Variants in ALK observed in about 807,000 individuals in gnomAD.
ALK encodes the protein ALK tyrosine kinase receptor.
A neutral mutation model predicts 163.1 loss-of-function variants in ALK; 74 were observed. That is an observed-to-expected ratio of 0.45 (90% CI 0.38 to 0.55). ALK has a LOEUF of 0.55. Among genes scored for constraint, ALK ranks in the 20% least tolerant of loss-of-function variants. ALK has a pLI of 0.00. For missense variants in ALK, 2,063 were observed against 2,105.3 expected (o/e 0.98, Z 0.39); for synonymous variants, 960 against 843.2 (o/e 1.14, Z -2.40).
At chr2:29,511,546 A>G (rs753823133) in intron 4 of ALK, among the ~76,000 whole-genome samples, 3 of 152,150 alleles carry the variant, frequency 2.0e-5, no homozygotes, top group Non-Finnish European at 4.4e-5. Flanking sequence ...TCACCTGTTG[A>G]TACACATTTG....
chr2:29,592,549 CCTT>C (rs1172166856), intron 3 of ALK, among the ~76,000 whole-genome samples: 1 of 152,176 alleles, frequency 6.6e-6, no homozygotes, highest in East Asian at 1.9e-4. Context: ...CACAAAGCCT[CCTT>C]CTCCTCACTT....
chr2:29,218,615 T>C (rs1261962174), intron 23 of ALK, among the ~76,000 whole-genome samples: 1 of 152,216 alleles, frequency 6.6e-6, no homozygotes, highest in Non-Finnish European at 1.5e-5. Flanking sequence ...TCCTCACTCC[T>C]GCCATCTCCT....
chr2:29,446,213 G>A (rs541014303), intron 4 of ALK, among the ~76,000 whole-genome samples: 2 of 151,334 alleles, frequency 1.3e-5, no homozygotes, highest in Non-Finnish European at 2.9e-5. Context: ...AGCAAATAGG[G>A]ACATTTTACC....
chr2:29,919,458 AAAG>A (rs769560327), intron 1 of ALK, among the ~76,000 whole-genome samples: 2 of 152,144 alleles, frequency 1.3e-5, no homozygotes, highest in Non-Finnish European at 2.9e-5. Flanking sequence ...ATAAATAAAT[AAAG>A]AAGAGACAAT....
intron 1 of ALK, among the ~76,000 whole-genome samples, chr2:29,757,172 CAGA>C (rs1274957760): frequency 6.6e-6 from 1 of 152,076 alleles, no homozygotes; most frequent in Non-Finnish European, 1.5e-5. Flanking sequence ...CAGGAATGGC[CAGA>C]AGACCACAAT....
intron 4 of ALK, among the ~76,000 whole-genome samples, chr2:29,477,041 A>T (rs1217625951): frequency 6.6e-6 from 1 of 152,188 alleles, no homozygotes; most frequent in African/African-American, 2.4e-5. Context: ...CTAGGTGCAG[A>T]TGTAGACTAG....
At chr2:29,700,628 ATGTG>A (rs374988444) in intron 2 of ALK, among the ~76,000 whole-genome samples, 1 of 151,834 alleles carries the variant, frequency 6.6e-6, no homozygotes, top group Non-Finnish European at 1.5e-5. Context: ...ACACACCTGC[ATGTG>A]TGTGTGTGTG....
chr2:29,496,199 G>A (rs1373483373), intron 4 of ALK, among the ~76,000 whole-genome samples: 1 of 152,174 alleles, frequency 6.6e-6, no homozygotes, highest in East Asian at 1.9e-4. Flanking sequence ...ATAAATATCT[G>A]AATGTAGGAT....
chr2:29,630,195 A>C (rs4666260), intron 3 of ALK, among the ~76,000 whole-genome samples: 96,954 of 151,862 alleles, frequency 0.64, 31,874 homozygotes, highest in Middle Eastern at 0.73. Context: ...GTCGTGGATG[A>C]ATAGGAAGGT....
At chr2:29,508,802 C>CATGCA (rs1386519082) in intron 4 of ALK, among the ~76,000 whole-genome samples, 2 of 136,834 alleles carry the variant, frequency 1.5e-5, no homozygotes, top group Non-Finnish European at 3.1e-5. Flanking sequence ...TGAATCAGAA[C>CATGCA]ATGCATTTTA....
intron 3 of ALK, among the ~76,000 whole-genome samples, chr2:29,641,863 A>C (rs917685037): frequency 9.2e-5 from 14 of 152,188 alleles, no homozygotes; most frequent in African/African-American, 3.4e-4. Context: ...CATGGAATTC[A>C]ATTAGTCTCT....
intron 4 of ALK, among the ~76,000 whole-genome samples, chr2:29,510,803 G>A (rs1048780959): frequency 3.9e-5 from 6 of 152,082 alleles, no homozygotes; most frequent in African/African-American, 1.4e-4. Context: ...AGTTGAGAGA[G>A]GAAGAGAACA....
intron 1 of ALK, among the ~76,000 whole-genome samples, chr2:29,875,263 G>C (rs773536900): frequency 6.6e-6 from 1 of 152,140 alleles, no homozygotes; most frequent in African/African-American, 2.4e-5. Flanking sequence ...TGGGGGAATG[G>C]GGAGTCATTG....
chr2:29,379,850 C>G (rs1668852368), intron 5 of ALK, among the ~76,000 whole-genome samples: 2 of 152,138 alleles, frequency 1.3e-5, no homozygotes. Flanking sequence ...AATATGAAGT[C>G]AGAAGGGTAT....
At chr2:29,896,158 C>A (rs1384476814) in intron 1 of ALK, among the ~76,000 whole-genome samples, 1 of 152,114 alleles carries the variant, frequency 6.6e-6, no homozygotes, top group Admixed American at 6.6e-5. Context: ...AGCACAAAGC[C>A]CTTGTGTGGA....
chr2:29,739,822 T>G lies in ALK; in HGVS notation c.668-22125A>C, dbSNP rs150557683. On this transcript the variant is annotated intron_variant, in intron 1 of 28. Coordinates refer to ENST00000389048, the MANE Select transcript of ALK (RefSeq NM_004304.5). ...GTGAGTTCACTCCCCAAACCCCCATTAGAATCAAATAATTAGAGGCAAGCA... is the reference window on the plus strand; with the variant it reads ...GTGAGTTCACTCCCCAAACCCCCATGAGAATCAAATAATTAGAGGCAAGCA... Among the ~76,000 whole-genome samples the G allele has an allele frequency of 7.6e-3, 1,150 of 152,166 alleles. 31 individuals carry two copies. The highest frequency in any genetic ancestry group is 0.027 in the African/African-American group (1,114 of 41,468).
At chr2:29,728,789 G>A (rs1347016259) in intron 1 of ALK, among the ~76,000 whole-genome samples, 1 of 152,164 alleles carries the variant, frequency 6.6e-6, no homozygotes, top group Non-Finnish European at 1.5e-5. Context: ...GCATTATAGA[G>A]GAACCTTGAT....
intron 8 of ALK, among the ~76,000 whole-genome samples, chr2:29,298,103 C>T (rs78199422): frequency 0.013 from 1,928 of 152,340 alleles, 21 homozygotes; most frequent in Non-Finnish European, 0.016. Flanking sequence ...CCATGACTCA[C>T]GGCAGCCCCA....
chr2:29,244,788 C>T (rs1664614846), intron 12 of ALK, among the ~76,000 whole-genome samples: 1 of 152,224 alleles, frequency 6.6e-6, no homozygotes, highest in Non-Finnish European at 1.5e-5. Flanking sequence ...GATGGCTATC[C>T]ATACAATTAC....
Sources: allele counts gnomAD v4.1 joint callset (sites outside exome capture counted in the v4.1 genomes callset), GRCh38; gene constraint gnomAD v4.1.1; transcripts MANE v1.5; gene names NCBI Gene and HGNC (gene_info 2026-07-23, HGNC 2026-07-21).